The following SHOC2 variants were observed in gnomAD, a reference collection of about 807,000 sequenced individuals.
The protein encoded by SHOC2 is SHOC2 leucine rich repeat scaffold protein.
SHOC2 carries 4 observed loss-of-function variants against 50.2 expected under a neutral mutation model. The observed-to-expected ratio is 0.08, with a 90% CI of 0.04 to 0.18. The LOEUF is 0.18. SHOC2 is among the 10% of genes least tolerant of loss of function. The pLI, the probability that SHOC2 is intolerant of heterozygous loss-of-function variation, is 1.00. For missense variants in SHOC2, 388 were observed against 669.6 expected, an observed-to-expected ratio of 0.58 and a Z score of 4.64; for synonymous variants, 218 against 244.5, an observed-to-expected ratio of 0.89 and a Z score of 1.01.
chr10:110,949,227 A>C (rs1847304650), intron 1 of SHOC2, among the ~76,000 whole-genome samples: 1 of 152,292 alleles, frequency 6.6e-6, no homozygotes, highest in African/African-American at 2.4e-5. Flanking sequence ...CAAAAAAAGG[A>C]CTCAATTAAA....
intron 1 of SHOC2, among the ~76,000 whole-genome samples, chr10:110,956,499 AT>A (rs1426831342): frequency 6.6e-6 from 1 of 152,174 alleles, no homozygotes; most frequent in Non-Finnish European, 1.5e-5. Context: ...GCTGCTTGCA[AT>A]TCTGCTGCTT....
At chr10:110,946,599 A>C (rs1847250863) in intron 1 of SHOC2, among the ~76,000 whole-genome samples, 1 of 152,136 alleles carries the variant, frequency 6.6e-6, no homozygotes. Flanking sequence ...GCAGGGAACA[A>C]ACAATGTGGA....
At chr10:110,958,253 T>C (rs749989211) in intron 1 of SHOC2, among the ~76,000 whole-genome samples, 81 of 151,856 alleles carry the variant, frequency 5.3e-4, no homozygotes, top group Non-Finnish European at 1.0e-3. Flanking sequence ...TCTTGCTCTG[T>C]TGCCAGGCTG....
At chr10:111,003,635 A>G (rs1176505468) in intron 4 of SHOC2, among the ~76,000 whole-genome samples, 1 of 152,186 alleles carries the variant, frequency 6.6e-6, no homozygotes, top group Non-Finnish European at 1.5e-5. Context: ...CAGGATTCAA[A>G]ACAGTTTATA....
intron 1 of SHOC2, chr10:110,936,610 T>C (rs776203933): frequency 3.3e-6 from 3 of 901,868 alleles, no homozygotes; most frequent in Non-Finnish European, 1.7e-6. Flanking sequence ...TTTTTAACAG[T>C]CTTTATTGGG....
At chr10:110,948,820 G>A (rs943331358) in intron 1 of SHOC2, among the ~76,000 whole-genome samples, 1 of 152,168 alleles carries the variant, frequency 6.6e-6, no homozygotes, top group Non-Finnish European at 1.5e-5. Flanking sequence ...TATCTCAAAG[G>A]ACTAGAAAAA....
intron 1 of SHOC2, among the ~76,000 whole-genome samples, chr10:110,949,436 C>T (rs892866760): frequency 6.6e-6 from 1 of 152,032 alleles, no homozygotes; most frequent in African/African-American, 2.4e-5. Flanking sequence ...GAGACTGAAT[C>T]AGTAATCAAG....
chr10:110,932,103 T>C (rs1846906749), intron 1 of SHOC2, among the ~76,000 whole-genome samples: 1 of 152,156 alleles, frequency 6.6e-6, no homozygotes, highest in Admixed American at 6.5e-5. Flanking sequence ...TGAAGAATTG[T>C]AAATCTGTGT....
intron 2 of SHOC2, among the ~76,000 whole-genome samples, chr10:110,981,642 T>G (rs1437816934): frequency 6.6e-6 from 1 of 152,218 alleles, no homozygotes; most frequent in Non-Finnish European, 1.5e-5. Context: ...TTGGTGACAG[T>G]TTTTAACATG....
chr10:110,931,952 T>C (rs769726645), intron 1 of SHOC2, among the ~76,000 whole-genome samples: 7 of 152,142 alleles, frequency 4.6e-5, no homozygotes, highest in African/African-American at 1.4e-4. Context: ...AGTCTAATAA[T>C]AGCATGATAA....
chr10:110,979,036 T>G (rs1386696453), intron 2 of SHOC2, among the ~76,000 whole-genome samples: 1 of 152,268 alleles, frequency 6.6e-6, no homozygotes, highest in East Asian at 1.9e-4. Flanking sequence ...TTCTTTGTTT[T>G]GGGTATCAGG....
intron 1 of SHOC2, among the ~76,000 whole-genome samples, chr10:110,958,681 C>G (rs1332141103): frequency 6.6e-6 from 1 of 152,046 alleles, no homozygotes; most frequent in Non-Finnish European, 1.5e-5. Context: ...CAAGTGTGGA[C>G]TAGACTAGAA....
chr10:110,949,307 A>G (rs543845118), intron 1 of SHOC2, among the ~76,000 whole-genome samples: 5 of 152,302 alleles, frequency 3.3e-5, no homozygotes, highest in East Asian at 1.9e-4. Flanking sequence ...AGAGACTACA[A>G]TGAATAACTA....
intron 1 of SHOC2, among the ~76,000 whole-genome samples, chr10:110,944,605 CA>C (rs1166390075): frequency 6.6e-6 from 1 of 152,026 alleles, no homozygotes; most frequent in Non-Finnish European, 1.5e-5. Flanking sequence ...TAAAAATGTC[CA>C]AATAGTGGAG....
intron 4 of SHOC2, among the ~76,000 whole-genome samples, chr10:111,003,673 T>C (rs1201216377): frequency 6.6e-6 from 1 of 152,188 alleles, no homozygotes; most frequent in Non-Finnish European, 1.5e-5. Flanking sequence ...CAGATGTTAA[T>C]GAGCATGCAG....
At chr10:110,980,257 T>C (rs750225848) in intron 2 of SHOC2, among the ~76,000 whole-genome samples, 6 of 151,402 alleles carry the variant, frequency 4.0e-5, no homozygotes, top group Non-Finnish European at 8.8e-5. Context: ...CCCGGGTTCA[T>C]GCCATTCTCC....
At chr10:110,927,724 C>T (rs941146336) in intron 1 of SHOC2, among the ~76,000 whole-genome samples, 35 of 152,070 alleles carry the variant, frequency 2.3e-4, no homozygotes, top group South Asian at 2.1e-4. Flanking sequence ...ATATTGAAAC[C>T]GCAAAATGAT....
chr10:110,958,568 TG>T (rs1847512790), intron 1 of SHOC2, among the ~76,000 whole-genome samples: 4 of 152,152 alleles, frequency 2.6e-5, no homozygotes. Flanking sequence ...ATCTTCTACA[TG>T]CGTTTTGTGG....
intron 6 of SHOC2, among the ~76,000 whole-genome samples, chr10:111,008,518 C>T (rs1381210214): frequency 6.6e-6 from 1 of 151,886 alleles, no homozygotes; most frequent in Non-Finnish European, 1.5e-5. Flanking sequence ...AGAGTATCTA[C>T]CTTGTAGAGT....
Sources: gnomAD v4.1 joint callset for allele counts (sites outside exome capture counted in the v4.1 genomes callset) on GRCh38, gnomAD v4.1.1 for gene constraint, MANE v1.5 for transcripts, NCBI Gene and HGNC (gene_info 2026-07-23, HGNC 2026-07-21) for gene names.